ZNF562: variants seen among roughly 807,000 people sequenced by gnomAD.
ZNF562 encodes the protein zinc finger protein 562.
In ZNF562, 13 loss-of-function variants were observed where a neutral mutation model predicts 17.5. The observed-to-expected ratio is 0.74, with a 90% CI of 0.48 to 1.18. ZNF562 has a LOEUF of 1.18. Among genes scored for constraint, ZNF562 ranks in the 50% most tolerant of loss-of-function variants. The probability of loss-of-function intolerance (pLI) is 0.00; values close to 1 mark genes in which losing one functional copy is unlikely to be tolerated. For synonymous variants in ZNF562, 163 were observed against 165.4 expected (o/e 0.99, Z 0.11); for missense variants, 481 against 498.5 (o/e 0.96, Z 0.33).
intron 1 of ZNF562, among the ~76,000 whole-genome samples, chr19:9,664,412 GA>G (rs1266436990): frequency 2.6e-5 from 4 of 152,150 alleles, no homozygotes; most frequent in Non-Finnish European, 4.4e-5. Context: ...TTTTGGGTTG[GA>G]TTTGTTATCA....
At chr19:9,662,677 C>T (rs762342862) in intron 1 of ZNF562, among the ~76,000 whole-genome samples, 3 of 151,908 alleles carry the variant, frequency 2.0e-5, no homozygotes, top group Non-Finnish European at 2.9e-5. Flanking sequence ...GTCAGGAGAT[C>T]GAGACCATCC....
rs1032548997 is a variant in ZNF562 at position 9,645,890 on chromosome 19, C to T, written c.*7059G>A. On this transcript the variant is annotated 3_prime_UTR_variant, in exon 6 of 6. Transcript: ENST00000453372. ...CGAAAAGTAACATACAAATTTCAAA[C>T]ATCAAGAATAAAATAAATTAAAGGT... is the stretch of plus-strand genomic sequence containing the variant. 1 of 151,948 alleles carries T rather than the reference C, an allele frequency of 6.6e-6. No individual in the cohort carries two copies. The highest frequency in any genetic ancestry group is 2.4e-5 in the African/African-American group (1 of 41,372). The allele number at this position is 151,948 out of a possible 1,614,324, so 9.4% of individuals were successfully genotyped here.
At chr19:9,656,745 C>T (rs2043499803) in intron 4 of ZNF562, 92 bp from the exon 5 acceptor site, 7 of 1,324,152 alleles carry the variant, frequency 5.3e-6, no homozygotes, top group Middle Eastern at 1.9e-4. Context: ...AAGCCACAGG[C>T]CAGGCACGGT....
At position 9,646,263 on chromosome 19, in the gene ZNF562, G is replaced by T. The variant is rs2074805760; in HGVS notation, c.*6686C>A. ...ATTTTGTATTTTTAGTAGAGATGGG[G>T]TTTCTCAGTGTTGGTCAGGCTGGTC... On this transcript the variant is annotated 3_prime_UTR_variant, in exon 6 of 6. Coordinates refer to ENST00000453372, the MANE Select transcript of ZNF562 (RefSeq NM_001130031.2). 1 of 151,926 alleles carries T rather than the reference G, an allele frequency of 6.6e-6. No individual in the cohort carries two copies. Among genetic ancestry groups the T allele is most frequent in the Non-Finnish European group, 1.5e-5 (1 of 68,012 alleles). The allele number at this position is 151,926 out of a possible 1,614,324, so 9.4% of individuals were successfully genotyped here.
Position 9,653,591 on chromosome 19 carries a change from A to G in ZNF562, c.639T>C (p.Phe213=), listed in dbSNP as rs1272948878. ...PYKCKECGKG[F]KYFASLDNHM... The stretch of plus-strand genomic sequence containing the variant: ...GATTATCAAGGCTTGCAAAATACTT[A>G]AAGCCTTTTCCACATTCCTTACATT... Residue 213 remains phenylalanine, a synonymous_variant, in exon 6 of 6, where the codon TTT becomes TTC. Coordinates refer to ENST00000453372, the MANE Select transcript of ZNF562 (RefSeq NM_001130031.2). 24 of 1,614,136 alleles carry G rather than the reference A, an allele frequency of 1.5e-5. No individual in the cohort carries two copies. The Middle Eastern group carries it at 4.9e-4, about 33-fold the overall frequency.
At chr19:9,665,408 T>G (rs529900500) in intron 1 of ZNF562, among the ~76,000 whole-genome samples, 1 of 152,152 alleles carries the variant, frequency 6.6e-6, no homozygotes, top group African/African-American at 2.4e-5. Context: ...ACAACCACCT[T>G]CTCCACCATC....
chr19:9,657,481 A>G (rs555466746), intron 4 of ZNF562, among the ~76,000 whole-genome samples: 1 of 152,184 alleles, frequency 6.6e-6, no homozygotes, highest in South Asian at 2.1e-4. Flanking sequence ...TGGAAAGTAA[A>G]AGTCAGAGAT....
intron 1 of ZNF562, among the ~76,000 whole-genome samples, chr19:9,670,693 A>G (rs1459732032): frequency 6.6e-6 from 1 of 152,182 alleles, no homozygotes; most frequent in Non-Finnish European, 1.5e-5. Context: ...ACGGAGATAA[A>G]GAGAGGTTGA....
At chr19:9,657,473 G>A (rs886343609) in intron 4 of ZNF562, among the ~76,000 whole-genome samples, 2 of 150,510 alleles carry the variant, frequency 1.3e-5, no homozygotes, top group Non-Finnish European at 3.0e-5. Context: ...TGACTAGATG[G>A]AAAGTAAAAG....
In ZNF562 at chr19:9,649,167, G is replaced by A. The variant is rs2074834522; in HGVS notation, c.*3782C>T. 1 of 152,074 alleles carries A rather than the reference G, an allele frequency of 6.6e-6. No homozygotes were observed. The highest frequency in any genetic ancestry group is 1.5e-5 in the Non-Finnish European group (1 of 68,016). 9.4% of individuals were successfully genotyped at this position (152,074 alleles called of 1,614,324 possible). A position where few individuals can be genotyped will look rare whatever the true frequency, so the allele number is the denominator to read the frequency against. On this transcript the variant is annotated 3_prime_UTR_variant, in exon 6 of 6. Transcript: ENST00000453372. ...TAAACATAAATTGTAAAGATTTCAT[G>A]GACACTTATCACTTCCCCAGTCAAT...
Position 9,649,891 on chromosome 19 carries a change from C to A in ZNF562, c.*3058G>T, listed in dbSNP as rs186811450. ...CCTAATAAAAACTTGCTGGTTTTTG[C>A]GGCTTGTGGGGCATCACGGAACCTA... On this transcript the variant is annotated 3_prime_UTR_variant, in exon 6 of 6. Coordinates refer to ENST00000453372, the MANE Select transcript of ZNF562 (RefSeq NM_001130031.2). The A allele has an allele frequency of 6.6e-6, 1 of 152,094 alleles. No homozygotes were observed. Among genetic ancestry groups the A allele is most frequent in the African/African-American group, 2.4e-5 (1 of 41,422 alleles). The allele number at this position is 152,094 out of a possible 1,614,324, so 9.4% of individuals were successfully genotyped here. A position where few individuals can be genotyped will look rare whatever the true frequency, so the allele number is the denominator to read the frequency against.
chr19:9,663,342 T>A (rs1599301808), intron 1 of ZNF562, among the ~76,000 whole-genome samples: 1 of 138,458 alleles, frequency 7.2e-6, no homozygotes, highest in African/African-American at 2.8e-5. Flanking sequence ...ACCCAGGAGG[T>A]GGAGCTTGCA....
Position 9,646,937 on chromosome 19 carries a change from A to G in ZNF562, c.*6012T>C, listed in dbSNP as rs2074811244. 6.6e-6 allele frequency: 1 copy of G among 151,088 alleles called. No individual in the cohort carries two copies. Among genetic ancestry groups the G allele is most frequent in the Non-Finnish European group, 1.5e-5 (1 of 67,788 alleles). The allele number at this position is 151,088 out of a possible 1,614,324, so 9.4% of individuals were successfully genotyped here. A position where few individuals can be genotyped will look rare whatever the true frequency, so the allele number is the denominator to read the frequency against. On this transcript the variant is annotated 3_prime_UTR_variant, in exon 6 of 6. Coordinates refer to ENST00000453372, the MANE Select transcript of ZNF562 (RefSeq NM_001130031.2). The stretch of plus-strand genomic sequence containing the variant: ...CAGGCGCCCGCCAACTCACCTGGCT[A>G]ATTTTATTTTTTGAATTTTTAGTAG...
Position 9,651,309 on chromosome 19 carries a change from C to A in ZNF562, c.*1640G>T, listed in dbSNP as rs2074864224. The A allele has an allele frequency of 6.6e-6, 1 of 152,236 alleles. No homozygotes were observed. The highest frequency in any genetic ancestry group is 2.1e-4 in the South Asian group (1 of 4,826). The allele number at this position is 152,236 out of a possible 1,614,324, so 9.4% of individuals were successfully genotyped here. ...TGATATAAAGTGGTGAAGAACTTGGCAGAACTGTATTCTAGCATTTTACGG... is the reference window on the plus strand; with the variant it reads ...TGATATAAAGTGGTGAAGAACTTGGAAGAACTGTATTCTAGCATTTTACGG... On this transcript the variant is annotated 3_prime_UTR_variant, in exon 6 of 6. Transcript: ENST00000453372.
chr19:9,665,027 G>T (rs987225839), intron 1 of ZNF562, among the ~76,000 whole-genome samples: 1 of 152,074 alleles, frequency 6.6e-6, no homozygotes, highest in East Asian at 1.9e-4. Flanking sequence ...TTTGAGACCA[G>T]CCTGGCCAAC....
At chr19:9,657,984 C>A in intron 4 of ZNF562, 25 bp downstream of exon 4, 1 of 1,600,030 alleles carries the variant, frequency 6.2e-7, no homozygotes. Context: ...GGCCACCATG[C>A]CAAGCAAAGT....
At chr19:9,659,797 A>C (rs145702482) in intron 2 of ZNF562, among the ~76,000 whole-genome samples, 1 of 151,722 alleles carries the variant, frequency 6.6e-6, no homozygotes, top group African/African-American at 2.4e-5. Context: ...GCTGAATTCT[A>C]AAACAGCATT....
intron 1 of ZNF562, among the ~76,000 whole-genome samples, chr19:9,668,405 C>A (rs1257170993): frequency 6.6e-6 from 1 of 151,674 alleles, no homozygotes; most frequent in Non-Finnish European, 1.5e-5. Context: ...TAAAAAGTAA[C>A]CAAAAATGTG....
At chr19:9,662,754 G>A (rs2043801105) in intron 1 of ZNF562, among the ~76,000 whole-genome samples, 1 of 151,048 alleles carries the variant, frequency 6.6e-6, no homozygotes, top group African/African-American at 2.4e-5. Context: ...GTGTTGGGCG[G>A]CTGTAGTCCC....
Sources: gnomAD v4.1 joint callset for allele counts (sites outside exome capture counted in the v4.1 genomes callset) on GRCh38, gnomAD v4.1.1 for gene constraint, MANE v1.5 for transcripts, NCBI Gene and HGNC (gene_info 2026-07-23, HGNC 2026-07-21) for gene names.